Variants in SENP7 observed in about 807,000 individuals in gnomAD.
The protein encoded by SENP7 is SUMO specific peptidase 7, also known as sentrin-specific protease 7.
A neutral mutation model predicts 141.2 loss-of-function variants in SENP7; 64 were observed. The observed-to-expected ratio is 0.45, with a 90% CI of 0.37 to 0.56. The LOEUF is 0.56. Ranked by LOEUF, SENP7 falls within the 20% of genes least tolerant of loss-of-function variation. The pLI is 0.00. For synonymous variants in SENP7, 382 were observed against 426.4 expected, an observed-to-expected ratio of 0.90 and a Z score of 1.28; for missense variants, 1,025 against 1,212.2, an observed-to-expected ratio of 0.85 and a Z score of 2.29.
intron 4 of SENP7, among the ~76,000 whole-genome samples, chr3:101,452,762 C>T (rs112707150): frequency 0.4 from 60,328 of 151,974 alleles, 12,481 homozygotes; most frequent in Admixed American, 0.54. Flanking sequence ...CATAAAAACC[C>T]TAGAAGAAAA....
rs533993312 is a variant in SENP7 at position 101,355,716 on chromosome 3, G to T, written c.1624-4065C>A. On this transcript the variant is annotated intron_variant, in intron 11 of 23. Coordinates refer to ENST00000394095, the MANE Select transcript of SENP7 (RefSeq NM_020654.5). Reference sequence around the variant, plus strand: ...AGGCCTCTTTTTTTTGGCTCCATATGAATTTTAAAATACTTTTTCATATTT... The same window carrying T: ...AGGCCTCTTTTTTTTGGCTCCATATTAATTTTAAAATACTTTTTCATATTT... Among the ~76,000 whole-genome samples, 7 of 152,110 alleles carry T rather than the reference G, an allele frequency of 4.6e-5. 1 individual carries two copies. In the South Asian group the frequency reaches 1.5e-3, roughly 32 times the overall value.
At chr3:101,460,831 T>C (rs1457598225) in intron 3 of SENP7, among the ~76,000 whole-genome samples, 1 of 152,042 alleles carries the variant, frequency 6.6e-6, no homozygotes, top group Non-Finnish European at 1.5e-5. Flanking sequence ...CCACAATGGC[T>C]CACACCTGTA....
At chr3:101,337,854 T>C (rs756600613) in intron 16 of SENP7, among the ~76,000 whole-genome samples, 8 of 152,124 alleles carry the variant, frequency 5.3e-5, no homozygotes, top group Non-Finnish European at 1.0e-4. Context: ...AACAAATATT[T>C]ATCAAATTCC....
intron 11 of SENP7, among the ~76,000 whole-genome samples, chr3:101,353,165 T>C (rs370015897): frequency 2.0e-5 from 3 of 152,126 alleles, no homozygotes; most frequent in Admixed American, 6.6e-5. Flanking sequence ...ATTTAATGTA[T>C]ACTGCCCCTT....
In SENP7 at chr3:101,398,975, C is replaced by G; in HGVS notation, c.563G>C (p.Gly188Ala). Residue 188 changes from glycine to alanine, a missense_variant, in exon 6 of 24, where the codon GGA (glycine) becomes GCA (alanine). Physicochemically the swap from Gly to Ala is moderately conservative, Grantham distance 60. This residue lies in a region of SENP7 where 496 missense variants were observed against 503.5 expected (regional missense o/e 0.99). Coordinates refer to ENST00000394095, the MANE Select transcript of SENP7 (RefSeq NM_020654.5). ...CAAGTTGTCTGTATCACTCAAACTTCCCTCAGTTACAGGTGGGGTCCTTAT... is the reference window on the plus strand; with the variant it reads ...CAAGTTGTCTGTATCACTCAAACTTGCCTCAGTTACAGGTGGGGTCCTTAT... Reference protein sequence around the residue: ...KYIRTPPVTEGSLSDTDNLQS... With the variant: ...KYIRTPPVTEASLSDTDNLQS... 6.2e-7 allele frequency: 1 copy of G among 1,613,768 alleles called. No individual in the cohort carries two copies.
chr3:101,419,432 C>T (rs976339400), intron 4 of SENP7, among the ~76,000 whole-genome samples: 19 of 152,010 alleles, frequency 1.2e-4, no homozygotes, highest in Admixed American at 1.2e-3. Context: ...AATGGAAGTG[C>T]TAGGAATAAT....
In SENP7 at chr3:101,495,870, C is replaced by T. The variant is rs549605594; in HGVS notation, c.91-1902G>A. Among the ~76,000 whole-genome samples, 14 of 152,258 alleles carry T rather than the reference C, an allele frequency of 9.2e-5. No individual in the cohort carries two copies. The South Asian group carries it at 2.5e-3, about 27-fold the overall frequency. ...TTACCTATGCAATGATCCTACACATCCTGCAAGTGTACCCCGAGCTTAAAT... is the reference window on the plus strand; with the variant it reads ...TTACCTATGCAATGATCCTACACATTCTGCAAGTGTACCCCGAGCTTAAAT... On this transcript the variant is annotated intron_variant, in intron 2 of 23. Coordinates refer to ENST00000394095, the MANE Select transcript of SENP7 (RefSeq NM_020654.5).
At position 101,398,311 on chromosome 3, in the gene SENP7, T is replaced by A. The variant is rs144960596; in HGVS notation, c.677+550A>T. ...TGTCTCTACTAAAAAATACAAAAAATTAGCTGGGCGTGGTGGCACGTGCCT... is the reference window on the plus strand; with the variant it reads ...TGTCTCTACTAAAAAATACAAAAAAATAGCTGGGCGTGGTGGCACGTGCCT... On this transcript the variant is annotated intron_variant, in intron 6 of 23. Coordinates refer to ENST00000394095, the MANE Select transcript of SENP7 (RefSeq NM_020654.5). Among the ~76,000 whole-genome samples the A allele has an allele frequency of 1.0e-2, 1,517 of 152,026 alleles. 27 individuals are homozygous for A. The highest frequency in any genetic ancestry group is 0.034 in the African/African-American group (1,410 of 41,462).
At chr3:101,342,503 CT>C (rs1316173056) in intron 14 of SENP7, among the ~76,000 whole-genome samples, 1 of 152,168 alleles carries the variant, frequency 6.6e-6, no homozygotes, top group Non-Finnish European at 1.5e-5. Flanking sequence ...TTCCCCTAAT[CT>C]TATCATACAC....
In SENP7 at chr3:101,336,382, CAT is replaced by C. The variant is rs1396986338; in HGVS notation, c.2480+1125_2480+1126del. On this transcript the variant is annotated intron_variant, in intron 17 of 23. Transcript: ENST00000394095. Reference sequence around the variant, plus strand: ...ATTTTAACGAGATGAAACAAACTCTCATAGCCATTTTTTAAAGCAATCTAGTA... The same window carrying C: ...ATTTTAACGAGATGAAACAAACTCTCAGCCATTTTTTAAAGCAATCTAGTA... 5.9e-5 allele frequency among the ~76,000 whole-genome samples: 9 copies of C among 152,254 alleles called. No individual in the cohort carries two copies. In the East Asian group the frequency reaches 1.7e-3, roughly 29 times the overall value.
intron 3 of SENP7, among the ~76,000 whole-genome samples, chr3:101,467,675 G>C (rs948977960): frequency 6.6e-6 from 1 of 152,062 alleles, no homozygotes; most frequent in Non-Finnish European, 1.5e-5. Context: ...CAACAAAAAG[G>C]TCATCTACAC....
chr3:101,339,590 C>T (rs1017394237), intron 16 of SENP7, among the ~76,000 whole-genome samples: 2 of 151,854 alleles, frequency 1.3e-5, no homozygotes, highest in East Asian at 1.9e-4. Context: ...TGGTGGCGGG[C>T]GCCTGTAATC....
At chr3:101,420,766 G>A (rs1018139041) in intron 4 of SENP7, among the ~76,000 whole-genome samples, 2 of 152,070 alleles carry the variant, frequency 1.3e-5, no homozygotes, top group South Asian at 2.1e-4. Context: ...CTAATCATAT[G>A]GGCAAGACCA....
intron 3 of SENP7, among the ~76,000 whole-genome samples, chr3:101,473,119 T>G (rs907949349): frequency 3.9e-5 from 6 of 152,202 alleles, no homozygotes; most frequent in African/African-American, 1.4e-4. Flanking sequence ...CACATTTTCT[T>G]TATCCAGTAA....
intron 6 of SENP7, among the ~76,000 whole-genome samples, chr3:101,392,788 A>G (rs1017302644): frequency 6.6e-6 from 1 of 152,244 alleles, no homozygotes; most frequent in African/African-American, 2.4e-5. Context: ...ACTTCAAAAT[A>G]TATTACAAAG....
At chr3:101,414,646 G>A in intron 5 of SENP7, 1 of 1,461,970 alleles carries the variant, frequency 6.8e-7, no homozygotes, top group South Asian at 1.1e-5. Context: ...GTCTTTGCCA[G>A]TGGCCATGGG....
At chr3:101,328,830 T>G in intron 20 of SENP7, 141 bp from the exon 21 acceptor site, 1 of 656,244 alleles carries the variant, frequency 1.5e-6, no homozygotes. Context: ...TGAGCTAACT[T>G]CATTTTCCAC....
chr3:101,371,314 GAGAA>G (rs1183260450), intron 7 of SENP7, among the ~76,000 whole-genome samples: 1 of 151,986 alleles, frequency 6.6e-6, no homozygotes, highest in African/African-American at 2.4e-5. Context: ...AAAAGAAAAA[GAGAA>G]AGAGAAAAGC....
chr3:101,431,599 C>A (rs2062177081), intron 4 of SENP7, among the ~76,000 whole-genome samples: 1 of 142,838 alleles, frequency 7.0e-6, no homozygotes, highest in Non-Finnish European at 1.5e-5. Context: ...TCCTGGCCAA[C>A]ATGGTGAAAC....
Sources: gnomAD v4.1 joint callset for allele counts (sites outside exome capture counted in the v4.1 genomes callset) on GRCh38, gnomAD v4.1.1 for gene constraint, gnomAD v4.1.1 regional missense constraint, MANE v1.5 for transcripts, NCBI Gene and HGNC (gene_info 2026-07-23, HGNC 2026-07-21) for gene names.